Variants in OR2C1 observed in about 807,000 individuals in gnomAD.
OR2C1 encodes the protein olfactory receptor 2C1.
For missense variants in OR2C1, 468 were observed against 388.3 expected (o/e 1.21, Z -1.73); for synonymous variants, 209 against 167.3 (o/e 1.25, Z -1.92).
At chr16:3,339,993 T>C in the OR2C1 span, among the ~76,000 whole-genome samples, 6 of 152,040 alleles carry the variant, frequency 3.9e-5, no homozygotes, top group African/African-American at 1.4e-4. Flanking sequence ...TAAAAATGAG[T>C]TGTGGCTGGG....
chr16:3,349,120 C>T, the OR2C1 span, among the ~76,000 whole-genome samples: 1 of 152,170 alleles, frequency 6.6e-6, no homozygotes, highest in East Asian at 1.9e-4. Context: ...CACCACCCCC[C>T]TCCCCCACGT....
At chr16:3,332,008 T>C in the OR2C1 span, among the ~76,000 whole-genome samples, 1 of 146,556 alleles carries the variant, frequency 6.8e-6, no homozygotes, top group Non-Finnish European at 1.5e-5. Flanking sequence ...TTTTCACTCA[T>C]AGGTGGGAAT....
chr16:3,348,030 T>G, the OR2C1 span, among the ~76,000 whole-genome samples: 1 of 152,200 alleles, frequency 6.6e-6, no homozygotes, highest in Non-Finnish European at 1.5e-5. Context: ...ACAACGTAGA[T>G]GTCTATTCAA....
the OR2C1 span, among the ~76,000 whole-genome samples, chr16:3,336,188 A>G: frequency 6.6e-6 from 1 of 152,104 alleles, no homozygotes; most frequent in African/African-American, 2.4e-5. Flanking sequence ...TATGGTTTTT[A>G]TTCTTCATTC....
At position 3,356,072 on chromosome 16, in the gene OR2C1, C is replaced by T; in HGVS notation, c.132C>T (p.Thr44=). The T allele has an allele frequency of 6.2e-7, 1 of 1,614,150 alleles. No individual in the cohort carries two copies. Among genetic ancestry groups the T allele is most frequent in the Non-Finnish European group, 8.5e-7 (1 of 1,180,022 alleles). Residue 44 remains threonine, a synonymous_variant, in exon 1 of 1, where the codon ACC becomes ACT. Coordinates refer to ENST00000304936, the MANE Select transcript of OR2C1 (RefSeq NM_012368.3). ...TGCTGACCCTACTTGGGAACTCAAC[C>T]ATCATCTTGCTTTCCCGCCTGGAGG... ...SYLLTLLGNS[T]IILLSRLEAR...
chr16:3,340,398 C>T, the OR2C1 span, among the ~76,000 whole-genome samples: 2 of 152,118 alleles, frequency 1.3e-5, no homozygotes, highest in African/African-American at 4.8e-5. Flanking sequence ...CAAGTATTTT[C>T]TCTACCTCTA....
At chr16:3,328,338 C>G in the OR2C1 span, among the ~76,000 whole-genome samples, 1 of 152,340 alleles carries the variant, frequency 6.6e-6, no homozygotes, top group Admixed American at 6.5e-5. Flanking sequence ...TTCTGCAAGT[C>G]TCAAATCAAC....
At chr16:3,345,449 G>T in the OR2C1 span, among the ~76,000 whole-genome samples, 1 of 150,910 alleles carries the variant, frequency 6.6e-6, no homozygotes, top group South Asian at 2.1e-4. Context: ...TCGCAGCACT[G>T]CACTCCAGCC....
the OR2C1 span, among the ~76,000 whole-genome samples, chr16:3,327,099 A>G: frequency 6.6e-6 from 1 of 152,176 alleles, no homozygotes; most frequent in Non-Finnish European, 1.5e-5. Context: ...CAATCCTTTT[A>G]TATGTACCCA....
chr16:3,329,888 G>T, the OR2C1 span, among the ~76,000 whole-genome samples: 1 of 149,452 alleles, frequency 6.7e-6, no homozygotes, highest in Non-Finnish European at 1.5e-5. Context: ...CTGAGTAGCT[G>T]GGATTACAGG....
chr16:3,348,174 T>C, the OR2C1 span, among the ~76,000 whole-genome samples: 123,677 of 152,158 alleles, frequency 0.81, 50,344 homozygotes, highest in East Asian at 0.92. Context: ...ATAGACCAAA[T>C]GCGTTAGATG....
At chr16:3,348,298 A>G in the OR2C1 span, among the ~76,000 whole-genome samples, 2 of 152,214 alleles carry the variant, frequency 1.3e-5, no homozygotes, top group Admixed American at 1.3e-4. Context: ...CAGTGAGCAC[A>G]GCATTCCATG....
At chr16:3,331,350 T>C in the OR2C1 span, among the ~76,000 whole-genome samples, 1 of 151,562 alleles carries the variant, frequency 6.6e-6, no homozygotes, top group Non-Finnish European at 1.5e-5. Flanking sequence ...CTGTTCACTC[T>C]GATGGTAGTT....
the OR2C1 span, among the ~76,000 whole-genome samples, chr16:3,331,021 T>C: frequency 3.3e-5 from 5 of 152,356 alleles, no homozygotes; most frequent in South Asian, 8.3e-4. Flanking sequence ...AAAGTGTTGC[T>C]ATTTCTCCAC....
At chr16:3,330,957 G>A in the OR2C1 span, among the ~76,000 whole-genome samples, 1 of 152,068 alleles carries the variant, frequency 6.6e-6, no homozygotes, top group East Asian at 1.9e-4. Context: ...CTGAGGAATA[G>A]CCACACTGAC....
the OR2C1 span, among the ~76,000 whole-genome samples, chr16:3,350,762 C>A: frequency 6.6e-6 from 1 of 151,876 alleles, no homozygotes; most frequent in African/African-American, 2.4e-5. Context: ...CAAAAGTCAT[C>A]TCTGGAATGG....
chr16:3,330,251 C>T, the OR2C1 span, among the ~76,000 whole-genome samples: 2 of 151,676 alleles, frequency 1.3e-5, no homozygotes, highest in African/African-American at 4.8e-5. Context: ...GGACTATAGG[C>T]GCCCGCCACC....
At chr16:3,353,034 C>T (rs1267894909), upstream of OR2C1, among the ~76,000 whole-genome samples, 11 of 151,772 alleles carry the variant, frequency 7.2e-5, no homozygotes, top group East Asian at 2.0e-4. Context: ...TCAGCCACTG[C>T]GCCCGGCCCT....
upstream of OR2C1, among the ~76,000 whole-genome samples, chr16:3,354,968 C>T (rs1035274779): frequency 2.0e-5 from 3 of 151,996 alleles, no homozygotes; most frequent in African/African-American, 7.2e-5. Context: ...AGAACTTTCA[C>T]ATCTAATTCT....
Sources: allele counts gnomAD v4.1 joint callset (sites outside exome capture counted in the v4.1 genomes callset), GRCh38; gene constraint gnomAD v4.1.1; transcripts MANE v1.5; gene names NCBI Gene and HGNC (gene_info 2026-07-23, HGNC 2026-07-21).